The following CSMD1 variants were observed in gnomAD, a reference collection of about 807,000 sequenced individuals.
The protein encoded by CSMD1 is CUB and sushi domain-containing protein 1.
In CSMD1, 213 loss-of-function variants were observed where a neutral mutation model predicts 417.5. That is an observed-to-expected ratio of 0.51 (90% CI 0.46 to 0.57). CSMD1 has a LOEUF of 0.57. Ranked by LOEUF, CSMD1 falls within the 20% of genes least tolerant of loss-of-function variation. CSMD1 has a pLI of 0.00. For synonymous variants in CSMD1, 2,862 were observed against 1,736.8 expected (o/e 1.65, Z -16.11); for missense variants, 6,923 against 4,529.7 (o/e 1.53, Z -15.17).
At chr8:4,137,931 G>T (rs909951257) in intron 3 of CSMD1, among the ~76,000 whole-genome samples, 2 of 151,524 alleles carry the variant, frequency 1.3e-5, no homozygotes, top group Non-Finnish European at 2.9e-5. Flanking sequence ...AGGTTGGAGT[G>T]CAGTGGCGCA....
chr8:3,370,020 G>T (rs1015047538), intron 18 of CSMD1, among the ~76,000 whole-genome samples: 1 of 152,156 alleles, frequency 6.6e-6, no homozygotes. Context: ...TGCCATTGTA[G>T]AACACAATTT....
rs572646747 is a variant in CSMD1, at chr8:3,504,241, A to T, written c.1345-10515T>A. On this transcript the variant is annotated intron_variant, in intron 10 of 69. Coordinates refer to ENST00000635120, the MANE Select transcript of CSMD1 (RefSeq NM_033225.6). ...GTACAATTATTATGTATTAATTAAC[A>T]ATTTCTTTAAAAAAACATTTTTTTT... 5.9e-5 allele frequency among the ~76,000 whole-genome samples: 6 copies of T among 101,564 alleles called. No individual in the cohort carries two copies. In the South Asian group the frequency reaches 2.3e-3, roughly 39 times the overall value. 66.6% of individuals were successfully genotyped at this position (101,564 alleles called of 152,430 possible).
At chr8:3,535,770 C>G (rs1798169599) in intron 10 of CSMD1, among the ~76,000 whole-genome samples, 3 of 152,122 alleles carry the variant, frequency 2.0e-5, no homozygotes, top group Admixed American at 6.5e-5. Flanking sequence ...CAGTTCACAC[C>G]TTCCCACATG....
At chr8:3,963,064 G>A (rs1812435426) in intron 5 of CSMD1, among the ~76,000 whole-genome samples, 1 of 152,128 alleles carries the variant, frequency 6.6e-6, no homozygotes, top group Non-Finnish European at 1.5e-5. Flanking sequence ...AGGAGTAGCT[G>A]AGATTACAGG....
intron 8 of CSMD1, among the ~76,000 whole-genome samples, chr8:3,587,728 G>A (rs932929462): frequency 1.8e-4 from 28 of 152,112 alleles, no homozygotes; most frequent in Non-Finnish European, 3.1e-4. Flanking sequence ...CTTTTCTAAA[G>A]GGGCATCTCA....
At chr8:4,430,143 C>G (rs1163418997) in intron 2 of CSMD1, among the ~76,000 whole-genome samples, 1 of 152,146 alleles carries the variant, frequency 6.6e-6, no homozygotes, top group South Asian at 2.1e-4. Context: ...TTCCACAAAG[C>G]AAATCTATGT....
chr8:3,947,755 G>A (rs1406204780), intron 5 of CSMD1, among the ~76,000 whole-genome samples: 1 of 152,138 alleles, frequency 6.6e-6, no homozygotes, highest in Admixed American at 6.5e-5. Flanking sequence ...CTTAGTGAAT[G>A]TTCCATGTGC....
chr8:4,894,491 T>A (rs1051746174), intron 1 of CSMD1, among the ~76,000 whole-genome samples: 2 of 150,730 alleles, frequency 1.3e-5, no homozygotes, highest in East Asian at 3.9e-4. Flanking sequence ...AGGCAGAGGT[T>A]GCAGTGAGCC....
At chr8:4,853,364 C>A (rs558838809) in intron 1 of CSMD1, among the ~76,000 whole-genome samples, 2 of 152,332 alleles carry the variant, frequency 1.3e-5, no homozygotes, top group South Asian at 4.1e-4. Flanking sequence ...ACTGCTCCAG[C>A]TCTATCCATG....
At chr8:4,434,726 A>G (rs1485447991) in intron 2 of CSMD1, among the ~76,000 whole-genome samples, 3 of 152,158 alleles carry the variant, frequency 2.0e-5, no homozygotes, top group African/African-American at 7.2e-5. Flanking sequence ...GACAGTGCTC[A>G]TCCGGTGATT....
At chr8:3,664,445 T>C (rs183962823) in intron 7 of CSMD1, among the ~76,000 whole-genome samples, 11 of 152,286 alleles carry the variant, frequency 7.2e-5, no homozygotes, top group Non-Finnish European at 1.6e-4. Flanking sequence ...CTGGGCAAAA[T>C]GGAAATTGCT....
At chr8:3,356,954 G>C (rs1177282014) in intron 21 of CSMD1, among the ~76,000 whole-genome samples, 2 of 152,174 alleles carry the variant, frequency 1.3e-5, no homozygotes, top group Admixed American at 6.5e-5. Flanking sequence ...ACTTTGGAGA[G>C]AGCATTCTGG....
intron 49 of CSMD1, among the ~76,000 whole-genome samples, chr8:3,065,012 G>T (rs1001440214): frequency 3.9e-5 from 6 of 152,064 alleles, no homozygotes; most frequent in Non-Finnish European, 7.4e-5. Flanking sequence ...GTTTGCCCAT[G>T]CTTCCTTCTC....
At chr8:4,180,200 G>A (rs1798281335) in intron 3 of CSMD1, among the ~76,000 whole-genome samples, 1 of 151,982 alleles carries the variant, frequency 6.6e-6, no homozygotes, top group Non-Finnish European at 1.5e-5. Flanking sequence ...ATGATAGACT[G>A]GATTAAGAAA....
intron 10 of CSMD1, among the ~76,000 whole-genome samples, chr8:3,559,202 G>A (rs143851446): frequency 5.3e-4 from 80 of 152,300 alleles, no homozygotes; most frequent in African/African-American, 1.8e-3. Flanking sequence ...TGGGCAATAA[G>A]TATCAATATT....
chr8:3,624,323 C>G (rs1164661761), intron 7 of CSMD1, among the ~76,000 whole-genome samples: 1 of 152,144 alleles, frequency 6.6e-6, no homozygotes, highest in East Asian at 1.9e-4. Context: ...ATATAATCCA[C>G]CTTTAGAGAA....
At chr8:4,451,284 A>T (rs942192108) in intron 2 of CSMD1, among the ~76,000 whole-genome samples, 1 of 152,082 alleles carries the variant, frequency 6.6e-6, no homozygotes, top group African/African-American at 2.4e-5. Flanking sequence ...TGATCCAACC[A>T]ATCATGACTC....
chr8:3,784,009 A>G (rs1799317164), intron 5 of CSMD1, among the ~76,000 whole-genome samples: 1 of 152,204 alleles, frequency 6.6e-6, no homozygotes, highest in African/African-American at 2.4e-5. Flanking sequence ...CTTATTTGCA[A>G]AATGTTTATC....
chr8:4,780,435 G>A (rs144171110), intron 1 of CSMD1, among the ~76,000 whole-genome samples: 232 of 152,234 alleles, frequency 1.5e-3, no homozygotes, highest in East Asian at 5.0e-3. Flanking sequence ...CTGTCTGTCT[G>A]TCTACCTACC....
Sources: allele counts gnomAD v4.1 joint callset (sites outside exome capture counted in the v4.1 genomes callset), GRCh38; gene constraint gnomAD v4.1.1; transcripts MANE v1.5; gene names NCBI Gene and HGNC (gene_info 2026-07-23, HGNC 2026-07-21).